CALN1: variants seen among roughly 807,000 people sequenced by gnomAD.
The protein encoded by CALN1 is calneuron 1, also known as calcium-binding protein 8.
Under a neutral mutation model 30.6 loss-of-function variants are expected in CALN1, and 17 were observed. That is an observed-to-expected ratio of 0.56 (90% CI 0.38 to 0.83). CALN1 has a LOEUF of 0.83. CALN1 is among the 40% of genes least tolerant of loss of function. The probability of loss-of-function intolerance (pLI) is 0.00; values close to 1 mark genes in which losing one functional copy is unlikely to be tolerated. For synonymous variants in CALN1, 156 were observed against 131.4 expected, an observed-to-expected ratio of 1.19 and a Z score of -1.28; for missense variants, 291 against 354.9, an observed-to-expected ratio of 0.82 and a Z score of 1.45.
intron 2 of CALN1, among the ~76,000 whole-genome samples, chr7:72,349,282 TTGTGTGTGTGTGTGTGTG>T (rs3032183): frequency 3.4e-4 from 51 of 147,870 alleles, no homozygotes; most frequent in Middle Eastern, 3.5e-3. Context: ...ACACGCGTGC[TTGTGTGTGTGTGTGTGTG>T]TGTGTGTGTG....
the CALN1 span, among the ~76,000 whole-genome samples, chr7:72,467,705 C>A: frequency 5.4e-4 from 82 of 152,296 alleles, no homozygotes; most frequent in Middle Eastern, 6.8e-3. Context: ...CAACTATTGT[C>A]TTGCTTGGAT....
chr7:72,336,593 G>T, intron 2 of CALN1: 1 of 710,398 alleles, frequency 1.4e-6, no homozygotes, highest in Non-Finnish European at 1.7e-6. Flanking sequence ...CTGAGCACCA[G>T]GGCCCGCGAC....
At chr7:71,878,484 T>TGGTACA (rs1210331659) in intron 5 of CALN1, among the ~76,000 whole-genome samples, 1 of 152,050 alleles carries the variant, frequency 6.6e-6, no homozygotes, top group African/African-American at 2.4e-5. Flanking sequence ...ATGAGACAGC[T>TGGTACA]GGTACAGGGC....
chr7:72,220,349 T>C (rs1251113899), intron 3 of CALN1, among the ~76,000 whole-genome samples: 12 of 152,004 alleles, frequency 7.9e-5, no homozygotes, highest in Non-Finnish European at 1.5e-4. Flanking sequence ...GTTTCACCCA[T>C]GTCCCTACAA....
intron 6 of CALN1, among the ~76,000 whole-genome samples, chr7:71,802,678 G>C (rs1042887776): frequency 6.6e-6 from 1 of 152,118 alleles, no homozygotes; most frequent in Non-Finnish European, 1.5e-5. Flanking sequence ...ATGTTGCCAG[G>C]CTATGGTAAT....
At chr7:71,816,766 G>T (rs558374405) in intron 5 of CALN1, among the ~76,000 whole-genome samples, 1 of 152,112 alleles carries the variant, frequency 6.6e-6, no homozygotes, top group Admixed American at 6.6e-5. Flanking sequence ...TCAGGAGTTC[G>T]AGACTAGCCT....
At chr7:72,339,526 A>C (rs1349414147) in intron 2 of CALN1, among the ~76,000 whole-genome samples, 1 of 152,232 alleles carries the variant, frequency 6.6e-6, no homozygotes, top group Non-Finnish European at 1.5e-5. Flanking sequence ...GATAAGCAAG[A>C]AGGTAATTTT....
chr7:71,824,298 C>T (rs1409884773), intron 5 of CALN1, among the ~76,000 whole-genome samples: 2 of 152,124 alleles, frequency 1.3e-5, no homozygotes, highest in East Asian at 3.9e-4. Flanking sequence ...CTTCCTCAAT[C>T]ATTGTCCCCC....
At chr7:72,333,793 C>A (rs2129558283) in intron 2 of CALN1, among the ~76,000 whole-genome samples, 1 of 152,216 alleles carries the variant, frequency 6.6e-6, no homozygotes, top group African/African-American at 2.4e-5. Context: ...TGGGATTCTC[C>A]TTCCACCCCA....
intron 2 of CALN1, among the ~76,000 whole-genome samples, chr7:72,402,544 A>C (rs1326004525): frequency 6.6e-6 from 1 of 152,202 alleles, no homozygotes; most frequent in Non-Finnish European, 1.5e-5. Flanking sequence ...CAGCATCCAC[A>C]AAGATCAAAA....
intron 2 of CALN1, among the ~76,000 whole-genome samples, chr7:72,356,127 AATG>A (rs888617016): frequency 1.3e-5 from 2 of 152,180 alleles, no homozygotes; most frequent in Non-Finnish European, 1.5e-5. Flanking sequence ...GTTCATTTAA[AATG>A]ATAATTTAAA....
chr7:72,319,154 T>G (rs548679247), intron 2 of CALN1, among the ~76,000 whole-genome samples: 102 of 152,334 alleles, frequency 6.7e-4, no homozygotes, highest in Admixed American at 2.0e-3. Context: ...AATCGAGGAC[T>G]GGATAAAGAA....
chr7:72,082,614 T>A (rs972898471), intron 4 of CALN1, among the ~76,000 whole-genome samples: 8 of 152,150 alleles, frequency 5.3e-5, no homozygotes, highest in Non-Finnish European at 7.4e-5. Flanking sequence ...GCAGCTCCAC[T>A]ATAAAGCATA....
At chr7:72,294,750 T>TAATAAATA (rs58274123) in intron 2 of CALN1, among the ~76,000 whole-genome samples, 14,448 of 147,750 alleles carry the variant, frequency 0.098, 938 homozygotes, top group South Asian at 0.18. Flanking sequence ...TCTAAAAAAG[T>TAATAAATA]AATAAATAAA....
intron 5 of CALN1, among the ~76,000 whole-genome samples, chr7:71,994,511 CAAAAAAAAAAAA>C (rs367725464): frequency 2.3e-5 from 1 of 44,056 alleles, no homozygotes; most frequent in Non-Finnish European, 4.8e-5. Context: ...GACTTCATCT[CAAAAAAAAAAAA>C]AAAAAAAAAA....
chr7:72,374,547 AG>A (rs1562930682), intron 2 of CALN1, among the ~76,000 whole-genome samples: 3 of 131,090 alleles, frequency 2.3e-5, no homozygotes, highest in Admixed American at 1.5e-4. Context: ...AAAAAAAAAA[AG>A]GAAAAAAAAG....
intron 3 of CALN1, among the ~76,000 whole-genome samples, chr7:72,176,662 C>T (rs572222360): frequency 1.8e-3 from 270 of 152,232 alleles, no homozygotes; most frequent in African/African-American, 5.9e-3. Context: ...GAACCATAAG[C>T]CAATTAAACT....
chr7:71,845,654 A>G (rs1016965044), intron 5 of CALN1, among the ~76,000 whole-genome samples: 9 of 152,160 alleles, frequency 5.9e-5, no homozygotes, highest in African/African-American at 2.2e-4. Flanking sequence ...AGAAATAGAT[A>G]CACTCAGGCC....
At position 71,994,511 on chromosome 7, in the gene CALN1, C is replaced by CAAAAAAAAAA. The variant is rs367725464; in HGVS notation, c.501+29136_501+29145dup. The stretch of plus-strand genomic sequence containing the variant: ...TGGGCGACAGAGCAAGACTTCATCT[C>CAAAAAAAAAA]AAAAAAAAAAAAAAAAAAAAAACAG... On this transcript the variant is annotated intron_variant, in intron 5 of 6. Transcript: ENST00000395275. Among the ~76,000 whole-genome samples, 424 of 44,006 alleles carry CAAAAAAAAAA rather than the reference C, an allele frequency of 9.6e-3. 32 individuals are homozygous for CAAAAAAAAAA. The highest frequency in any genetic ancestry group is 0.035 in the African/African-American group (414 of 11,726). The allele number at this position is 44,006 out of a possible 152,430, so 28.9% of individuals were successfully genotyped here.
Sources: gnomAD v4.1 joint callset for allele counts (sites outside exome capture counted in the v4.1 genomes callset) on GRCh38, gnomAD v4.1.1 for gene constraint, MANE v1.5 for transcripts, NCBI Gene and HGNC (gene_info 2026-07-23, HGNC 2026-07-21) for gene names.